PLD5: variants seen among roughly 807,000 people sequenced by gnomAD.
PLD5 encodes the protein inactive phospholipase D5.
PLD5 carries 36 observed loss-of-function variants against 61.1 expected under a neutral mutation model. The ratio of observed to expected loss-of-function variants is 0.59; its 90% CI spans 0.45 to 0.78. PLD5 has a LOEUF of 0.78. Ranked by LOEUF, PLD5 falls within the 30% of genes least tolerant of loss-of-function variation. The pLI is 0.00. For missense variants in PLD5, 515 were observed against 644.4 expected (o/e 0.80, Z 2.17); for synonymous variants, 243 against 242.8 (o/e 1.00, Z -0.01).
chr1:242,491,663 C>A (rs1668156094), intron 1 of PLD5, among the ~76,000 whole-genome samples: 1 of 152,218 alleles, frequency 6.6e-6, no homozygotes, highest in Non-Finnish European at 1.5e-5. Flanking sequence ...TCTCTAGTCT[C>A]ATTTGTCAGT....
intron 1 of PLD5, among the ~76,000 whole-genome samples, chr1:242,480,309 T>C (rs879162800): frequency 3.9e-5 from 6 of 152,070 alleles, no homozygotes; most frequent in Non-Finnish European, 7.4e-5. Flanking sequence ...GATAGCAACA[T>C]GAAGAAAAGA....
chr1:242,282,985 A>G (rs1395230246), intron 3 of PLD5, among the ~76,000 whole-genome samples: 1 of 152,224 alleles, frequency 6.6e-6, no homozygotes, highest in Admixed American at 6.5e-5. Context: ...TTTAGCACAG[A>G]AGGAAACAAA....
At chr1:242,183,317 A>C (rs1667640132) in intron 5 of PLD5, among the ~76,000 whole-genome samples, 1 of 152,202 alleles carries the variant, frequency 6.6e-6, no homozygotes, top group South Asian at 2.1e-4. Context: ...ATGACTGTCA[A>C]ATATTATCAA....
At chr1:242,484,187 G>T (rs1395518347) in intron 1 of PLD5, among the ~76,000 whole-genome samples, 1 of 152,134 alleles carries the variant, frequency 6.6e-6, no homozygotes, top group Admixed American at 6.5e-5. Context: ...AAAGCTAGCA[G>T]AAGGCAAGAA....
chr1:242,092,286 C>A (rs1050329608), intron 9 of PLD5, among the ~76,000 whole-genome samples: 1 of 152,010 alleles, frequency 6.6e-6, no homozygotes, highest in African/African-American at 2.4e-5. Flanking sequence ...CCACCGGAAC[C>A]AGCTTCTACT....
chr1:242,325,037 G>A (rs112697634), intron 2 of PLD5, among the ~76,000 whole-genome samples: 1 of 152,142 alleles, frequency 6.6e-6, no homozygotes, highest in African/African-American at 2.4e-5. Context: ...AACTCTATGT[G>A]TATTAAACTC....
chr1:242,251,309 A>G (rs1672686707), intron 4 of PLD5, among the ~76,000 whole-genome samples: 1 of 152,198 alleles, frequency 6.6e-6, no homozygotes, highest in Admixed American at 6.5e-5. Context: ...GAAGAAGCCA[A>G]TGTTTAAGGG....
chr1:242,368,938 C>A (rs944965687), intron 1 of PLD5, among the ~76,000 whole-genome samples: 1 of 151,802 alleles, frequency 6.6e-6, no homozygotes, highest in Non-Finnish European at 1.5e-5. Flanking sequence ...AAAATAATTT[C>A]TTTCTATCTC....
intron 1 of PLD5, among the ~76,000 whole-genome samples, chr1:242,469,654 A>G (rs1667378982): frequency 6.6e-6 from 1 of 152,094 alleles, no homozygotes; most frequent in Non-Finnish European, 1.5e-5. Flanking sequence ...GGGACTACAG[A>G]CACAAGCCAC....
chr1:242,232,507 G>A (rs542004786), intron 4 of PLD5, among the ~76,000 whole-genome samples: 1 of 151,970 alleles, frequency 6.6e-6, no homozygotes, highest in South Asian at 2.1e-4. Flanking sequence ...CATAAAATAT[G>A]TGCTGCATTT....
At chr1:242,485,646 A>C (rs1667935333) in intron 1 of PLD5, among the ~76,000 whole-genome samples, 1 of 152,228 alleles carries the variant, frequency 6.6e-6, no homozygotes, top group South Asian at 2.1e-4. Context: ...TGCCCAAGGT[A>C]ATTTATAGAT....
rs149878740 is a variant in PLD5, at chr1:242,289,760, T to C, written c.327-1230A>G. ...GTATGCACAGAGCCAGAGATATAAT[T>C]AGGGCTCACAAAATACTTACAGAAT... On this transcript the variant is annotated intron_variant, in intron 2 of 9. Coordinates refer to ENST00000536534, the MANE Select transcript of PLD5 (RefSeq NM_001372062.1). 2.6e-4 allele frequency among the ~76,000 whole-genome samples: 39 copies of C among 152,306 alleles called. No homozygotes were observed. In the East Asian group the frequency reaches 6.6e-3, roughly 26 times the overall value.
At chr1:242,124,327 G>A (rs1385379190) in intron 6 of PLD5, 141 bp downstream of exon 6, 44 of 682,492 alleles carry the variant, frequency 6.4e-5, no homozygotes, top group Middle Eastern at 3.8e-4. Context: ...AAGGGTGGAC[G>A]CATTTTAACT....
chr1:242,306,170 C>T (rs1676338046), intron 2 of PLD5, among the ~76,000 whole-genome samples: 1 of 151,814 alleles, frequency 6.6e-6, no homozygotes, highest in Admixed American at 6.6e-5. Flanking sequence ...CCAGAGGGGT[C>T]CTCAGCTGCT....
At chr1:242,105,608 T>C (rs1370640282) in intron 8 of PLD5, among the ~76,000 whole-genome samples, 10 of 152,162 alleles carry the variant, frequency 6.6e-5, no homozygotes, top group Non-Finnish European at 8.8e-5. Context: ...ATATAAATGA[T>C]ATAGAGAACA....
At chr1:242,343,854 AATAG>A (rs1235138825) in intron 2 of PLD5, among the ~76,000 whole-genome samples, 1 of 152,100 alleles carries the variant, frequency 6.6e-6, no homozygotes, top group Non-Finnish European at 1.5e-5. Flanking sequence ...TGATCTGGCA[AATAG>A]ATGGGAGGAA....
chr1:242,387,844 G>T (rs1201837619), intron 1 of PLD5, among the ~76,000 whole-genome samples: 3 of 151,950 alleles, frequency 2.0e-5, no homozygotes, highest in African/African-American at 7.3e-5. Flanking sequence ...TTAAGGAAAC[G>T]TTCATTATAA....
At position 242,086,371 on chromosome 1, in the gene PLD5, C is replaced by T. The variant is rs1659476976; in HGVS notation, c.*3483G>A. Reference sequence around the variant, plus strand: ...ATCTCTTTACAGCATTCTTTTAAGTCAGTGGGGACATTTTCAGCATTCCTT... The same window carrying T: ...ATCTCTTTACAGCATTCTTTTAAGTTAGTGGGGACATTTTCAGCATTCCTT... On this transcript the variant is annotated 3_prime_UTR_variant, in exon 10 of 10. Transcript: ENST00000536534. 1 of 152,170 alleles carries T rather than the reference C, an allele frequency of 6.6e-6. No individual in the cohort carries two copies. Among genetic ancestry groups the T allele is most frequent in the Non-Finnish European group, 1.5e-5 (1 of 68,042 alleles). 9.4% of individuals were successfully genotyped at this position (152,170 alleles called of 1,614,324 possible).
At chr1:242,484,700 C>T (rs1667898402) in intron 1 of PLD5, among the ~76,000 whole-genome samples, 1 of 152,198 alleles carries the variant, frequency 6.6e-6, no homozygotes, top group African/African-American at 2.4e-5. Flanking sequence ...TCCTCCCTAA[C>T]TCATTTTATG....
Sources: allele counts gnomAD v4.1 joint callset (sites outside exome capture counted in the v4.1 genomes callset), GRCh38; gene constraint gnomAD v4.1.1; transcripts MANE v1.5; gene names NCBI Gene and HGNC (gene_info 2026-07-23, HGNC 2026-07-21).